FBXO10: variants seen among roughly 807,000 people sequenced by gnomAD.
The protein encoded by FBXO10 is F-box protein 10, also known as F-box only protein 10.
A neutral mutation model predicts 80.7 loss-of-function variants in FBXO10; 39 were observed. That is an observed-to-expected ratio of 0.48 (90% CI 0.37 to 0.63). The LOEUF is 0.63. FBXO10 is among the 30% of genes least tolerant of loss of function. The probability of loss-of-function intolerance (pLI) is 0.00; values close to 1 mark genes in which losing one functional copy is unlikely to be tolerated. For missense variants in FBXO10, 1,025 were observed against 1,269.0 expected (o/e 0.81, Z 2.92); for synonymous variants, 449 against 489.6 (o/e 0.92, Z 1.09).
At chr9:37,529,487 T>G (rs1821562358) in intron 4 of FBXO10, among the ~76,000 whole-genome samples, 1 of 152,210 alleles carries the variant, frequency 6.6e-6, no homozygotes, top group Non-Finnish European at 1.5e-5. Context: ...GACTGGAGTC[T>G]TCGCTGCCCA....
intron 6 of FBXO10, among the ~76,000 whole-genome samples, chr9:37,524,037 G>C (rs1380373165): frequency 6.6e-6 from 1 of 152,264 alleles, no homozygotes; most frequent in Non-Finnish European, 1.5e-5. Flanking sequence ...GAGTCTCTGT[G>C]TGACTGGCCT....
chr9:37,524,576 G>C (rs551612071), intron 6 of FBXO10, among the ~76,000 whole-genome samples: 15 of 152,224 alleles, frequency 9.9e-5, no homozygotes, highest in African/African-American at 3.6e-4. Flanking sequence ...CCCTCACCTT[G>C]TGGAATTTAC....
intron 1 of FBXO10, among the ~76,000 whole-genome samples, chr9:37,550,509 C>G (rs545032023): frequency 5.5e-5 from 8 of 145,916 alleles, no homozygotes; most frequent in Non-Finnish European, 1.0e-4. Context: ...GAGACAGAGT[C>G]TCACTCTGTT....
At position 37,516,068 on chromosome 9, in the gene FBXO10, G is replaced by C; in HGVS notation, c.2532C>G (p.Ile844Met). 6.2e-7 allele frequency: 1 copy of C among 1,611,920 alleles called. No homozygotes were observed. The highest frequency in any genetic ancestry group is 8.5e-7 in the Non-Finnish European group (1 of 1,179,226). The stretch of plus-strand genomic sequence containing the variant: ...CGATGCCGTAGGCCCGGAACGAGTG[G>C]ATCCGGTTCTTTATTACCTGGGAGA... ...RSDTKVIKNR[I>M]HSFRAYGIAV... is the part of the protein sequence containing the mutation. The change falls in exon 10 of 11, where the codon ATC becomes ATG. Residue 844 changes from isoleucine to methionine, a missense_variant. By Grantham distance (10) the Ile-to-Met change is conservative. Transcript: ENST00000432825.
intron 6 of FBXO10, among the ~76,000 whole-genome samples, chr9:37,523,308 A>G (rs566722514): frequency 5.9e-5 from 9 of 151,782 alleles, no homozygotes; most frequent in Non-Finnish European, 1.0e-4. Flanking sequence ...CCAGTACTTT[A>G]GGAGGCCAAG....
At chr9:37,545,582 T>C (rs1273649822) in intron 1 of FBXO10, among the ~76,000 whole-genome samples, 1 of 152,228 alleles carries the variant, frequency 6.6e-6, no homozygotes, top group Non-Finnish European at 1.5e-5. Context: ...TGGAAATGCA[T>C]GACTACAAAA....
chr9:37,518,128 A>AG lies in FBXO10; in HGVS notation c.2510dup (p.Lys838Ter). The AG allele has an allele frequency of 6.2e-7, 1 of 1,611,076 alleles. No homozygotes were observed. Among genetic ancestry groups the AG allele is most frequent in the South Asian group, 1.1e-5 (1 of 90,686 alleles). On this transcript the variant is annotated frameshift_variant, in exon 9 of 11. Transcript: ENST00000432825. LOFTEE classifies it high-confidence loss of function. Reference sequence around the variant, plus strand: ...ACACACATGCAGACATACTCACTTTAGTGTCGGACCTGGGCAGCAGCTGCA... The same window carrying AG: ...ACACACATGCAGACATACTCACTTTAGGTGTCGGACCTGGGCAGCAGCTGCA...
At chr9:37,561,672 C>A (rs1376902899) in intron 1 of FBXO10, among the ~76,000 whole-genome samples, 1 of 152,160 alleles carries the variant, frequency 6.6e-6, no homozygotes, top group Non-Finnish European at 1.5e-5. Context: ...AACAAACATT[C>A]GTTGATTGCC....
chr9:37,561,127 G>A (rs956593499), intron 1 of FBXO10, among the ~76,000 whole-genome samples: 3 of 150,614 alleles, frequency 2.0e-5, no homozygotes, highest in African/African-American at 7.3e-5. Context: ...GGGCGAAAGA[G>A]CAAGACTCCG....
At position 37,537,432 on chromosome 9, in the gene FBXO10, T is replaced by A. The variant is rs1052401402; in HGVS notation, c.1097A>T (p.Asp366Val). 9 of 1,601,246 alleles carry A rather than the reference T, an allele frequency of 5.6e-6. No homozygotes were observed. Among genetic ancestry groups the A allele is most frequent in the Admixed American group, 5.2e-5 (3 of 57,728 alleles). Residue 366 changes from aspartate to valine, a missense_variant, in exon 3 of 11, where the codon GAT (aspartate) becomes GTT (valine). Transcript: ENST00000432825. The part of the protein sequence containing the change: ...GGLSPSGEDE[D>V]EDQLMYRLSY... ...TAGTCTGTACATCAGCTGGTCCTCA[T>A]CTTCATCCTCACCGCTGGGACTCAG... is the stretch of plus-strand genomic sequence containing the variant.
intron 1 of FBXO10, among the ~76,000 whole-genome samples, chr9:37,546,958 G>C (rs1212396827): frequency 1.3e-5 from 2 of 152,212 alleles, no homozygotes; most frequent in Non-Finnish European, 2.9e-5. Context: ...TGGGATTACA[G>C]GCATGAGCCA....
intron 1 of FBXO10, among the ~76,000 whole-genome samples, chr9:37,547,771 C>G (rs566369519): frequency 6.6e-6 from 1 of 152,160 alleles, no homozygotes; most frequent in South Asian, 2.1e-4. Flanking sequence ...GCCTGGACAA[C>G]ATAGCAAGAC....
chr9:37,522,851 C>A lies in FBXO10; in HGVS notation c.1904G>T (p.Gly635Val). 1 of 1,552,736 alleles carries A rather than the reference C, an allele frequency of 6.4e-7. No individual in the cohort carries two copies. Among genetic ancestry groups the A allele is most frequent in the Non-Finnish European group, 8.7e-7 (1 of 1,147,532 alleles). The change falls in exon 7 of 11, where the codon GGC (glycine) becomes GTC (valine). Residue 635 changes from glycine to valine, a missense_variant. Physicochemically the swap from Gly to Val is moderately radical, Grantham distance 109. This residue lies in a region of FBXO10 where 478 missense variants were observed against 667.8 expected (regional missense o/e 0.72). Transcript: ENST00000432825. ...GTAGATGGTATTTCCTTCTATGAGG[C>A]CTTTGCCTTCGTCTCCCACAACCAC... ...DGVVVGDEGKGLIEGNTIYAN... is the reference protein window; with the variant it reads ...DGVVVGDEGKVLIEGNTIYAN...
At chr9:37,537,075 G>A in intron 3 of FBXO10, 35 bp downstream of exon 3, 1 of 1,515,448 alleles carries the variant, frequency 6.6e-7, no homozygotes, top group Non-Finnish European at 9.0e-7. Flanking sequence ...TATAGCCACA[G>A]GAGCCCCCTG....
chr9:37,542,447 T>G (rs1452788471), intron 1 of FBXO10, among the ~76,000 whole-genome samples: 1 of 151,562 alleles, frequency 6.6e-6, no homozygotes, highest in Non-Finnish European at 1.5e-5. Flanking sequence ...AATACAAAAT[T>G]AGCCGGGCAT....
At chr9:37,553,348 T>C (rs1563884981) in intron 1 of FBXO10, among the ~76,000 whole-genome samples, 1 of 152,042 alleles carries the variant, frequency 6.6e-6, no homozygotes, top group Non-Finnish European at 1.5e-5. Context: ...CACATGTATG[T>C]TTTTAAATTG....
Position 37,521,786 on chromosome 9 carries a change from G to A in FBXO10, c.1983C>T (p.Thr661=). 6.2e-7 allele frequency: 1 copy of A among 1,608,378 alleles called. No homozygotes were observed. The highest frequency in any genetic ancestry group is 1.1e-5 in the South Asian group (1 of 90,674). Residue 661 remains threonine, a synonymous_variant, in exon 8 of 11, where the codon ACC becomes ACT. Transcript: ENST00000432825. ...WMMSSSLPHV[T]SNHVSYNGLY... Reference sequence around the variant, plus strand: ...GGCCATTGTAGCTGACGTGGTTGCTGGTGACATGGGGGAGGCTGGACGACA... The same window carrying A: ...GGCCATTGTAGCTGACGTGGTTGCTAGTGACATGGGGGAGGCTGGACGACA...
intron 1 of FBXO10, among the ~76,000 whole-genome samples, chr9:37,565,743 G>C (rs1262616167): frequency 6.6e-6 from 1 of 152,210 alleles, no homozygotes; most frequent in Non-Finnish European, 1.5e-5. Context: ...AACCACTGAA[G>C]CCCAGCCCGT....
At chr9:37,522,059 A>G (rs1045050555) in intron 7 of FBXO10, among the ~76,000 whole-genome samples, 13 of 152,200 alleles carry the variant, frequency 8.5e-5, no homozygotes, top group Non-Finnish European at 1.2e-4. Context: ...CGTTCCACAC[A>G]GTGTGAAAGT....
Sources: allele counts gnomAD v4.1 joint callset (sites outside exome capture counted in the v4.1 genomes callset), GRCh38; gene constraint gnomAD v4.1.1; regional missense constraint gnomAD v4.1.1; transcripts MANE v1.5; gene names NCBI Gene and HGNC (gene_info 2026-07-23, HGNC 2026-07-21).